The following CNTFR variants were observed in gnomAD, a reference collection of about 807,000 sequenced individuals.
The protein encoded by CNTFR is ciliary neurotrophic factor receptor.
Under a neutral mutation model 40.4 loss-of-function variants are expected in CNTFR, and 12 were observed. The observed-to-expected ratio is 0.30, with a 90% CI of 0.19 to 0.48. CNTFR has a LOEUF of 0.48. Among genes scored for constraint, CNTFR ranks in the 20% least tolerant of loss-of-function variants. CNTFR has a pLI of 0.99. For synonymous variants in CNTFR, 202 were observed against 209.6 expected (o/e 0.96, Z 0.31); for missense variants, 414 against 506.8 (o/e 0.82, Z 1.76).
rs1310711594 is a variant in CNTFR, at chr9:34,551,528, A to G, written c.*543T>C. 1 of 184,922 alleles carries G rather than the reference A, an allele frequency of 5.4e-6. No homozygotes were observed. The highest frequency in any genetic ancestry group is 1.1e-5 in the Non-Finnish European group (1 of 87,248). 11.5% of individuals were successfully genotyped at this position (184,922 alleles called of 1,614,324 possible). On this transcript the variant is annotated 3_prime_UTR_variant, in exon 10 of 10. Transcript: ENST00000378980. ...AAATACAGCAAGTTACCATTGAGTC[A>G]GACTAGAAGGGACTGACAGGGCATT...
chr9:34,580,770 T>C (rs1317604257), intron 2 of CNTFR, among the ~76,000 whole-genome samples: 1 of 152,190 alleles, frequency 6.6e-6, no homozygotes, highest in Admixed American at 6.5e-5. Context: ...GAGAGATGTC[T>C]GGGGGGCAGA....
chr9:34,575,229 A>G (rs1180653926), intron 2 of CNTFR, among the ~76,000 whole-genome samples: 1 of 152,150 alleles, frequency 6.6e-6, no homozygotes, highest in Non-Finnish European at 1.5e-5. Flanking sequence ...ACCCCAGTCC[A>G]GTCTCTTCTG....
Position 34,552,465 on chromosome 9 carries a change from A to G in CNTFR, c.950-136T>C. 1 of 1,105,318 alleles carries G rather than the reference A, an allele frequency of 9.0e-7. No individual in the cohort carries two copies. The highest frequency in any genetic ancestry group is 1.3e-6 in the Non-Finnish European group (1 of 791,866). The allele number at this position is 1,105,318 out of a possible 1,614,324, so 68.5% of individuals were successfully genotyped here. ...CCCATCAGGCAGATCCTGTTTCCCA[A>G]GGCTCACAGATAACCCCTCCACCCA... On this transcript the variant is annotated intron_variant, in intron 8 of 9. Transcript: ENST00000378980. This position sits in a 1 kb window ranked among gnomAD's most constrained non-coding sequence, Gnocchi z 5.1.
intron 3 of CNTFR, 51 bp from the exon 4 acceptor site, chr9:34,564,883 A>G: frequency 1.3e-6 from 2 of 1,535,006 alleles, no homozygotes; most frequent in East Asian, 4.5e-5. Flanking sequence ...AGCCCGGCCC[A>G]GCACCCGCAG....
At chr9:34,564,925 T>C (rs1826221133) in intron 3 of CNTFR, 93 bp from the exon 4 acceptor site, 1 of 1,070,688 alleles carries the variant, frequency 9.3e-7, no homozygotes, top group African/African-American at 1.6e-5. Flanking sequence ...CCTGTGAGGA[T>C]GGATGAGTGA....
chr9:34,568,754 C>A (rs1007790436), intron 3 of CNTFR, 143 bp downstream of exon 3: 3 of 716,138 alleles, frequency 4.2e-6, no homozygotes, highest in Non-Finnish European at 7.3e-6. Flanking sequence ...ATCAGTGTCA[C>A]ATGACTCCAT....
Position 34,577,715 on chromosome 9 carries a change from C to T in CNTFR, c.-1+3380G>A, listed in dbSNP as rs114998770. On this transcript the variant is annotated intron_variant, in intron 2 of 9. Coordinates refer to ENST00000378980, the MANE Select transcript of CNTFR (RefSeq NM_147164.3). ...AATGGACACAGCCAGAGCCCCCTCCCCTCTCAGAGGCCTGGTCCGATTGCA... is the reference window on the plus strand; with the variant it reads ...AATGGACACAGCCAGAGCCCCCTCCTCTCTCAGAGGCCTGGTCCGATTGCA... Among the ~76,000 whole-genome samples the T allele has an allele frequency of 7.6e-3, 1,155 of 152,340 alleles. 5 individuals carry two copies. Among genetic ancestry groups the T allele is most frequent in the Middle Eastern group, 0.031 (9 of 294 alleles).
intron 7 of CNTFR, among the ~76,000 whole-genome samples, chr9:34,554,947 G>A (rs1825774535): frequency 6.6e-6 from 1 of 152,230 alleles, no homozygotes; most frequent in African/African-American, 2.4e-5. Context: ...TGCACACTTT[G>A]CTTCTCCCAC....
At chr9:34,576,843 C>A (rs1030792605) in intron 2 of CNTFR, among the ~76,000 whole-genome samples, 2 of 152,252 alleles carry the variant, frequency 1.3e-5, no homozygotes, top group Admixed American at 6.5e-5. Context: ...CTCAGCCTAG[C>A]TATCTGCTGT....
At chr9:34,553,729 C>T (rs1388490852) in intron 7 of CNTFR, among the ~76,000 whole-genome samples, 2 of 152,240 alleles carry the variant, frequency 1.3e-5, no homozygotes, top group East Asian at 3.8e-4. Context: ...CTGGTCTCCC[C>T]CAACCCTCCA....
At chr9:34,564,471 A>C (rs1411534184) in intron 4 of CNTFR, 128 bp downstream of exon 4, 14 of 888,956 alleles carry the variant, frequency 1.6e-5, no homozygotes, top group Middle Eastern at 3.3e-4. Context: ...ACAAAATCAG[A>C]GGGCAAGGGT....
chr9:34,563,788 A>G (rs1262649393), intron 4 of CNTFR, among the ~76,000 whole-genome samples: 1 of 152,016 alleles, frequency 6.6e-6, no homozygotes, highest in Admixed American at 6.6e-5. Flanking sequence ...CAGCTTCCCC[A>G]GCTCCATGCC....
intron 4 of CNTFR, among the ~76,000 whole-genome samples, chr9:34,563,657 C>A (rs78110999): frequency 0.03 from 4,573 of 152,260 alleles, 119 homozygotes; most frequent in Non-Finnish European, 0.038. Flanking sequence ...CTTTTCCTTC[C>A]GTTTTCTTCC....
chr9:34,555,157 G>A (rs931020407), intron 7 of CNTFR, among the ~76,000 whole-genome samples: 1 of 152,248 alleles, frequency 6.6e-6, no homozygotes, highest in Non-Finnish European at 1.5e-5. Context: ...AGGGGGGCTT[G>A]TGAAACTAGA....
rs1052287850 is a variant in CNTFR, at chr9:34,557,411, G to A, written c.604+115C>T. The A allele has an allele frequency of 7.8e-6, 9 of 1,152,188 alleles. No individual in the cohort carries two copies. The African/African-American group carries it at 1.4e-4, about 18-fold the overall frequency. The allele number at this position is 1,152,188 out of a possible 1,614,324, so 71.4% of individuals were successfully genotyped here. A position where few individuals can be genotyped will look rare whatever the true frequency, so the allele number is the denominator to read the frequency against. On this transcript the variant is annotated intron_variant, in intron 6 of 9. Transcript: ENST00000378980. The surrounding 1 kb of genome is among the most constrained non-coding windows in gnomAD (Gnocchi z 4.2). Reference sequence around the variant, plus strand: ...TGTGCACTGTACATACCTGTGCAGAGGCATGTACATGCCATGTATACATGT... The same window carrying A: ...TGTGCACTGTACATACCTGTGCAGAAGCATGTACATGCCATGTATACATGT...
intron 1 of CNTFR, among the ~76,000 whole-genome samples, chr9:34,585,093 G>A (rs1025890549): frequency 6.6e-6 from 1 of 152,180 alleles, no homozygotes; most frequent in African/African-American, 2.4e-5. Flanking sequence ...CAGGCACATG[G>A]TCGTGCCCAC....
chr9:34,573,050 C>T (rs1157477446), intron 2 of CNTFR, among the ~76,000 whole-genome samples: 11 of 152,186 alleles, frequency 7.2e-5, no homozygotes, highest in African/African-American at 2.4e-4. Context: ...ACAGACACAG[C>T]GACAGGCTCC....
intron 4 of CNTFR, among the ~76,000 whole-genome samples, chr9:34,561,591 G>C (rs1826077788): frequency 6.6e-6 from 1 of 152,166 alleles, no homozygotes; most frequent in Non-Finnish European, 1.5e-5. Context: ...GGATTAGCCT[G>C]GTTAAGGAGA....
upstream of CNTFR, chr9:34,589,753 AC>A (rs1340681751): frequency 4.5e-4 from 65 of 144,762 alleles, no homozygotes; most frequent in South Asian, 5.8e-3. The surrounding 1 kb of genome is among the most constrained non-coding windows in gnomAD (Gnocchi z 4.4). Context: ...GGCGGCTTTA[AC>A]CCCCCCATCC....
Sources: gnomAD v4.1 joint callset for allele counts (sites outside exome capture counted in the v4.1 genomes callset) on GRCh38, gnomAD v4.1.1 for gene constraint, Gnocchi (gnomAD v3.1) non-coding constraint, MANE v1.5 for transcripts, NCBI Gene and HGNC (gene_info 2026-07-23, HGNC 2026-07-21) for gene names.